Variants in SMTN observed in about 807,000 individuals in gnomAD.
SMTN encodes smoothelin.
In SMTN, 58 loss-of-function variants were observed where a neutral mutation model predicts 102.0. The ratio of observed to expected loss-of-function variants is 0.57; its 90% CI spans 0.46 to 0.71. The LOEUF is 0.71. SMTN is among the 30% of genes least tolerant of loss of function. The pLI, the probability that SMTN is intolerant of heterozygous loss-of-function variation, is 0.00. For missense variants in SMTN, 1,185 were observed against 1,241.7 expected (o/e 0.95, Z 0.69); for synonymous variants, 478 against 497.9 (o/e 0.96, Z 0.53).
At chr22:31,080,539 A>G (rs1163082422), upstream of SMTN, 1 of 152,244 alleles carries the variant, frequency 6.6e-6, no homozygotes, top group African/African-American at 2.4e-5. Flanking sequence ...TGAAGATGGA[A>G]TAGCTTTGCC....
intron 6 of SMTN, 23 bp from the exon 7 acceptor site, chr22:31,089,676 T>G (rs762742519): frequency 2.5e-6 from 4 of 1,580,650 alleles, no homozygotes; most frequent in Non-Finnish European, 2.6e-6. Flanking sequence ...GAGCCTTGGT[T>G]GCATCCTGTG....
At chr22:31,085,769 C>T (rs544605755) in intron 2 of SMTN, among the ~76,000 whole-genome samples, 2 of 152,220 alleles carry the variant, frequency 1.3e-5, no homozygotes, top group Non-Finnish European at 2.9e-5. Context: ...AGGGAAGGGT[C>T]GTGCCAGAGG....
intron 6 of SMTN, 78 bp from the exon 7 acceptor site, chr22:31,089,621 T>C: frequency 7.1e-7 from 1 of 1,404,518 alleles, no homozygotes; most frequent in South Asian, 1.3e-5. Flanking sequence ...CCTGGGCACT[T>C]GCCAGCCTGG....
rs201711756 is a variant in SMTN at position 31,071,697 on chromosome 22, T to TC, written c.-386+7510_-386+7511insC. Among the ~76,000 whole-genome samples, 319 of 82,878 alleles carry TC rather than the reference T, an allele frequency of 3.8e-3. 3 individuals carry two copies. Among genetic ancestry groups the TC allele is most frequent in the African/African-American group, 0.02 (288 of 14,344 alleles). 54.4% of individuals were successfully genotyped at this position (82,878 alleles called of 152,430 possible). On this transcript the variant is annotated intron_variant, in intron 1 of 3. Transcript: ENST00000422839. ...CTCTCTCTTTCTCTCTCTCTCTCTC[T>TC]TTTTTTTTTTTTTTTGGAGGCAGAG...
chr22:31,079,889 A>G (rs1408163864), upstream of SMTN, among the ~76,000 whole-genome samples: 1 of 152,122 alleles, frequency 6.6e-6, no homozygotes, highest in Non-Finnish European at 1.5e-5. Flanking sequence ...CAGCCTCCCA[A>G]GTAGCTGGGA....
intron 20 of SMTN, chr22:31,103,890 T>A: frequency 5.6e-6 from 1 of 179,908 alleles, no homozygotes; most frequent in Non-Finnish European, 1.2e-5. Context: ...GACCTATCCA[T>A]AGATAAAGAT....
chr22:31,073,570 C>T (rs1173544139), intron 1 of SMTN, among the ~76,000 whole-genome samples: 1 of 152,140 alleles, frequency 6.6e-6, no homozygotes, highest in African/African-American at 2.4e-5. Flanking sequence ...AAGGTCACTG[C>T]TTGGAAAAGA....
At chr22:31,098,266 G>T (rs2043758405) in intron 16 of SMTN, among the ~76,000 whole-genome samples, 1 of 152,176 alleles carries the variant, frequency 6.6e-6, no homozygotes, top group African/African-American at 2.4e-5. Flanking sequence ...AATTGGTAAG[G>T]CCCCTCCCTG....
intron 19 of SMTN, among the ~76,000 whole-genome samples, 185 bp from the exon 20 acceptor site, chr22:31,100,700 G>A (rs1311102424): frequency 1.3e-5 from 2 of 152,158 alleles, no homozygotes; most frequent in East Asian, 1.9e-4. Context: ...GGAGGCATGC[G>A]GGGGGCTGGC....
chr22:31,094,952 G>C (rs1040749546), intron 11 of SMTN, among the ~76,000 whole-genome samples: 6 of 152,156 alleles, frequency 3.9e-5, no homozygotes, highest in African/African-American at 1.2e-4. Context: ...CTCCCAAACT[G>C]TTGACATTAC....
intron 17 of SMTN, 49 bp from the exon 18 acceptor site, chr22:31,099,013 G>A (rs764965661): frequency 6.4e-6 from 10 of 1,574,492 alleles, no homozygotes; most frequent in Admixed American, 5.0e-5. Context: ...GGCCCACCGA[G>A]GCATGCCCCT....
chr22:31,085,737 C>T (rs1167741543), intron 2 of SMTN, among the ~76,000 whole-genome samples: 1 of 152,228 alleles, frequency 6.6e-6, no homozygotes, highest in Non-Finnish European at 1.5e-5. Flanking sequence ...CACTGTGGTC[C>T]AACCTTTGCC....
intron 8 of SMTN, 41 bp from the exon 9 acceptor site, chr22:31,090,767 T>C: frequency 6.6e-7 from 1 of 1,504,624 alleles, no homozygotes. Flanking sequence ...CTGTCTTTTC[T>C]CTTTCCCCAC....
intron 20 of SMTN, chr22:31,103,525 C>T (rs1209186276): frequency 6.6e-6 from 1 of 152,338 alleles, no homozygotes; most frequent in African/African-American, 2.4e-5. Context: ...CCTGCACTTA[C>T]TAAGCCATGG....
At chr22:31,099,700 G>C in intron 18 of SMTN, 45 bp from the exon 19 acceptor site, 14 of 1,602,224 alleles carry the variant, frequency 8.7e-6, no homozygotes, top group Non-Finnish European at 1.2e-5. Context: ...GACAGCAGGG[G>C]GGAGTTGCCC....
chr22:31,076,860 G>A (rs191329364), upstream of SMTN, among the ~76,000 whole-genome samples: 675 of 152,266 alleles, frequency 4.4e-3, 2 homozygotes, highest in African/African-American at 0.014. Context: ...ATTCATTCTC[G>A]GACTGGACTC....
chr22:31,079,081 G>A (rs538172704), upstream of SMTN, among the ~76,000 whole-genome samples: 13 of 152,272 alleles, frequency 8.5e-5, no homozygotes, highest in Admixed American at 2.6e-4. Flanking sequence ...TTCCTCTGTC[G>A]AATCAGAGTG....
At chr22:31,089,293 G>C (rs906635117) in intron 6 of SMTN, among the ~76,000 whole-genome samples, 2 of 152,142 alleles carry the variant, frequency 1.3e-5, no homozygotes, top group Admixed American at 6.5e-5. Flanking sequence ...GGCCATGCAG[G>C]TTCCCCAAGT....
chr22:31,084,601 C>A (rs1034613528), intron 2 of SMTN, among the ~76,000 whole-genome samples: 1 of 152,192 alleles, frequency 6.6e-6, no homozygotes, highest in Non-Finnish European at 1.5e-5. Context: ...GCAGCACAGT[C>A]CAAAAAGAGG....
Sources: gnomAD v4.1 joint callset for allele counts (sites outside exome capture counted in the v4.1 genomes callset) on GRCh38, gnomAD v4.1.1 for gene constraint, MANE v1.5 for transcripts, NCBI Gene and HGNC (gene_info 2026-07-23, HGNC 2026-07-21) for gene names.